The following ISOC2 variants were observed in gnomAD, a reference collection of about 807,000 sequenced individuals.
ISOC2 encodes isochorismatase domain containing 2.
Under a neutral mutation model 19.3 loss-of-function variants are expected in ISOC2, and 15 were observed. The observed-to-expected ratio is 0.78, with a 90% CI of 0.52 to 1.20. The LOEUF (loss-of-function observed/expected upper bound fraction) is 1.20. Ranked by LOEUF, ISOC2 falls within the 50% of genes most tolerant of loss-of-function variation. ISOC2 has a pLI of 0.00. For synonymous variants in ISOC2, 106 were observed against 115.8 expected (o/e 0.92, Z 0.54); for missense variants, 285 against 272.4 (o/e 1.05, Z -0.33).
chr19:55,455,444 G>A, intron 3 of ISOC2, 114 bp from the exon 4 acceptor site: 12 of 1,425,546 alleles, frequency 8.4e-6, no homozygotes, highest in Non-Finnish European at 1.2e-5. Flanking sequence ...GGGAGGCTCG[G>A]ATCAGAGGAA....
intron 5 of ISOC2, chr19:55,453,604 TG>T (rs1448212116): frequency 2.4e-6 from 1 of 422,712 alleles, no homozygotes; most frequent in African/African-American, 2.1e-5. Flanking sequence ...TGGTGTGCTT[TG>T]CGGGCTTGGA....
chr19:55,457,677 A>G (rs1986104076), intron 1 of ISOC2, among the ~76,000 whole-genome samples: 1 of 151,990 alleles, frequency 6.6e-6, no homozygotes, highest in African/African-American at 2.4e-5. Context: ...AAAAATACCA[A>G]AAATCAGCCA....
At position 55,461,595 on chromosome 19, in the gene ISOC2, A is replaced by G. The variant is rs1475221748; in HGVS notation, c.-87T>C. On this transcript the variant is annotated 5_prime_UTR_variant, in exon 1 of 6. Coordinates refer to ENST00000425675, the MANE Select transcript of ISOC2 (RefSeq NM_001136201.2). ...CTCACCTCTCGGCTCTCGGACGGCC[A>G]CCGCTGAGGCCTCTTGCGGGCTTCC... is the stretch of plus-strand genomic sequence containing the variant. 1 of 152,186 alleles carries G rather than the reference A, an allele frequency of 6.6e-6. No individual in the cohort carries two copies. The highest frequency in any genetic ancestry group is 1.5e-5 in the Non-Finnish European group (1 of 68,074). The allele number at this position is 152,186 out of a possible 1,614,324, so 9.4% of individuals were successfully genotyped here. A position where few individuals can be genotyped will look rare whatever the true frequency, so the allele number is the denominator to read the frequency against.
Position 55,456,466 on chromosome 19 carries a change from G to C in ISOC2, c.21C>G (p.Ser7Arg), listed in dbSNP as rs376286200. 1.2e-5 allele frequency: 19 copies of C among 1,613,684 alleles called. No individual in the cohort carries two copies. The African/African-American group carries it at 2.4e-4, about 20-fold the overall frequency. ...AGGATCCTGGGAGGACTCGGCCCAG[G>C]CTGGGCCTGGCAGCCGCCATTTTCT... MAAARP[S>R]LGRVLPGSSV... The change falls in exon 2 of 6, where the codon AGC (serine) becomes AGG (arginine). Residue 7 changes from serine (S) to arginine (R), a missense_variant. Transcript: ENST00000425675.
At chr19:55,460,598 G>A (rs906366444) in intron 1 of ISOC2, among the ~76,000 whole-genome samples, 1 of 152,246 alleles carries the variant, frequency 6.6e-6, no homozygotes, top group Non-Finnish European at 1.5e-5. Flanking sequence ...TTGGACCACA[G>A]TGATGGAAAC....
chr19:55,454,414 A>G (rs548896366), intron 5 of ISOC2: 135 of 156,060 alleles, frequency 8.7e-4, no homozygotes, highest in Non-Finnish European at 1.6e-3. Flanking sequence ...GGTAAGGAGC[A>G]GACCTGGGAG....
chr19:55,455,893 CT>C, intron 2 of ISOC2, 48 bp from the exon 3 acceptor site: 2 of 1,395,918 alleles, frequency 1.4e-6, no homozygotes, highest in Non-Finnish European at 1.9e-6. Context: ...GGAGGAGGGG[CT>C]GGGCCTGGAC....
Position 55,455,778 on chromosome 19 carries a change from A to C in ISOC2, c.206T>G (p.Val69Gly). 1 of 1,573,070 alleles carries C rather than the reference A, an allele frequency of 6.4e-7. No individual in the cohort carries two copies. Among genetic ancestry groups the C allele is most frequent in the Non-Finnish European group, 8.6e-7 (1 of 1,159,360 alleles). ...AAGGCCCTCAGTCCCCAGCTCGGGC[A>C]CCGTGGGGCCCAGGCCTTGTGGGTA... Reference protein sequence around the residue: ...EQYPQGLGPTVPELGTEGLRP... With the variant: ...EQYPQGLGPTGPELGTEGLRP... The change falls in exon 3 of 6, where the codon GTG becomes GGG. Residue 69 changes from valine to glycine, a missense_variant. Val to Gly is a moderately radical substitution (Grantham distance 109, BLOSUM62 -3). Transcript: ENST00000425675.
At chr19:55,461,023 G>GGT (rs1986218878) in intron 1 of ISOC2, among the ~76,000 whole-genome samples, 2 of 152,226 alleles carry the variant, frequency 1.3e-5, no homozygotes, top group African/African-American at 2.4e-5. Flanking sequence ...GGTGAGGGTG[G>GGT]GTGTGTGAGA....
At position 55,455,306 on chromosome 19, in the gene ISOC2, G is replaced by C. The variant is rs140943962; in HGVS notation, c.373C>G (p.Arg125Gly). The change falls in exon 4 of 6, where the codon CGG becomes GGG. Residue 125 changes from arginine (R) to glycine (G), a missense_variant. Arg to Gly is a moderately radical substitution (Grantham distance 125). Coordinates refer to ENST00000425675, the MANE Select transcript of ISOC2 (RefSeq NM_001136201.2). ...ILNTTLDLLD[R>G]GLQVHVVVDA... ...ACCACCACATGGACCTGCAGCCCCC[G>C]GTCTAGGAGGTCCAGGGTCGTGTTC... 6.2e-6 allele frequency: 10 copies of C among 1,613,862 alleles called. No homozygotes were observed. The highest frequency in any genetic ancestry group is 5.0e-5 in the Admixed American group (3 of 59,980).
rs766883839 is a variant in ISOC2, at chr19:55,455,266, G to A, written c.413C>T (p.Ser138Leu). Residue 138 changes from serine to leucine, a missense_variant, in exon 4 of 6, where the codon TCA becomes TTA. Ser to Leu is a moderately radical substitution (Grantham distance 145). Coordinates refer to ENST00000425675, the MANE Select transcript of ISOC2 (RefSeq NM_001136201.2). ...QVHVVVDACSSRSQVDRLVAL... is the reference protein window; with the variant it reads ...QVHVVVDACSLRSQVDRLVAL... Reference sequence around the variant, plus strand: ...CAGGCAGGGGCCCTCTCACCTGCGTGAGGAGCAGGCGTCCACCACCACATG... The same window carrying A: ...CAGGCAGGGGCCCTCTCACCTGCGTAAGGAGCAGGCGTCCACCACCACATG... The A allele has an allele frequency of 2.5e-6, 4 of 1,611,098 alleles. No individual in the cohort carries two copies. The African/African-American group carries it at 4.0e-5, about 16-fold the overall frequency.
intron 1 of ISOC2, among the ~76,000 whole-genome samples, chr19:55,456,850 T>C (rs1288396836): frequency 6.6e-6 from 1 of 151,980 alleles, no homozygotes; most frequent in African/African-American, 2.4e-5. Flanking sequence ...CCCCAGTTAC[T>C]ATCAGTCCCG....
At chr19:55,459,129 G>T (rs754307708) in intron 1 of ISOC2, among the ~76,000 whole-genome samples, 1 of 151,888 alleles carries the variant, frequency 6.6e-6, no homozygotes, top group South Asian at 2.1e-4. Context: ...TAGAGACAGG[G>T]TCTTCCTATG....
rs537689871 is a variant in ISOC2, at chr19:55,455,263, C to T, written c.416G>A (p.Arg139His). Residue 139 changes from arginine (R) to histidine (H), a missense_variant, in exon 4 of 6, where the codon CGC becomes CAC. Arg to His is a conservative substitution (Grantham distance 29, BLOSUM62 0). Transcript: ENST00000425675. ...VHVVVDACSSRSQVDRLVALA... is the reference protein window; with the variant it reads ...VHVVVDACSSHSQVDRLVALA... ...ACCCAGGCAGGGGCCCTCTCACCTGCGTGAGGAGCAGGCGTCCACCACCAC... is the reference window on the plus strand; with the variant it reads ...ACCCAGGCAGGGGCCCTCTCACCTGTGTGAGGAGCAGGCGTCCACCACCAC... 52 of 1,610,412 alleles carry T rather than the reference C, an allele frequency of 3.2e-5. 1 individual carries two copies. The East Asian group carries it at 3.6e-4, about 11-fold the overall frequency.
chr19:55,459,919 C>T (rs1986181173), intron 1 of ISOC2: 1 of 152,240 alleles, frequency 6.6e-6, no homozygotes, highest in South Asian at 2.1e-4. Flanking sequence ...CTAGGACAGG[C>T]ATGTGGAGCA....
chr19:55,455,742 G>A lies in ISOC2; in HGVS notation c.242C>T (p.Ala81Val). 1.3e-6 allele frequency: 2 copies of A among 1,599,520 alleles called. No individual in the cohort carries two copies. Among genetic ancestry groups the A allele is most frequent in the Non-Finnish European group, 1.7e-6 (2 of 1,173,818 alleles). The change falls in exon 3 of 6, where the codon GCC becomes GTC. Residue 81 changes from alanine (A) to valine (V), a missense_variant. Coordinates refer to ENST00000425675, the MANE Select transcript of ISOC2 (RefSeq NM_001136201.2). The part of the protein sequence containing the change: ...ELGTEGLRPL[A>V]KTCFSMVPAL... ...AGGCACCATGCTGAAGCAGGTCTTGGCCAGCGGCCGAAGGCCCTCAGTCCC... is the reference window on the plus strand; with the variant it reads ...AGGCACCATGCTGAAGCAGGTCTTGACCAGCGGCCGAAGGCCCTCAGTCCC...
intron 1 of ISOC2, among the ~76,000 whole-genome samples, chr19:55,461,209 GC>G (rs1192294378): frequency 2.7e-5 from 4 of 149,458 alleles, no homozygotes; most frequent in Non-Finnish European, 6.0e-5. Flanking sequence ...CGGAAACCCG[GC>G]CTTGGAGCCC....
Position 55,455,682 on chromosome 19 carries a change from A to G in ISOC2, c.302T>C (p.Leu101Pro). Residue 101 changes from leucine (L) to proline (P), a missense_variant, in exon 3 of 6, where the codon CTG (leucine) becomes CCG (proline). Coordinates refer to ENST00000425675, the MANE Select transcript of ISOC2 (RefSeq NM_001136201.2). ...LQQELDSRPQ[L>P]RSVLLCGIEA... ...AATGCCACAGAGCAGCACAGAGCGC[A>G]GCTGGGGCCGACTGTCCAGCTCCTG... 6.2e-7 allele frequency: 1 copy of G among 1,611,006 alleles called. No individual in the cohort carries two copies. The highest frequency in any genetic ancestry group is 8.5e-7 in the Non-Finnish European group (1 of 1,178,572).
chr19:55,454,785 T>G (rs1194204196), intron 5 of ISOC2: 94 of 542,472 alleles, frequency 1.7e-4, no homozygotes, highest in Middle Eastern at 9.0e-4. Flanking sequence ...CCTCCCCCAT[T>G]TTATTGTTCT....
Sources: allele counts gnomAD v4.1 joint callset (sites outside exome capture counted in the v4.1 genomes callset), GRCh38; gene constraint gnomAD v4.1.1; transcripts MANE v1.5; gene names NCBI Gene and HGNC (gene_info 2026-07-23, HGNC 2026-07-21).